The following SLC25A21 variants were observed in gnomAD, a reference collection of about 807,000 sequenced individuals.
SLC25A21 encodes the protein mitochondrial 2-oxodicarboxylate carrier.
Under a neutral mutation model 43.8 loss-of-function variants are expected in SLC25A21, and 47 were observed. The observed-to-expected ratio is 1.07, with a 90% CI of 0.85 to 1.37. SLC25A21 has a LOEUF of 1.37. SLC25A21 is among the 40% of genes most tolerant of loss of function. SLC25A21 has a pLI of 0.00. For missense variants in SLC25A21, 352 were observed against 350.2 expected (o/e 1.00, Z -0.04); for synonymous variants, 131 against 121.3 (o/e 1.08, Z -0.52).
At chr14:36,846,010 T>C (rs1294331649) in intron 2 of SLC25A21, among the ~76,000 whole-genome samples, 4 of 152,100 alleles carry the variant, frequency 2.6e-5, no homozygotes, top group Non-Finnish European at 5.9e-5. Context: ...TAAACCAGAG[T>C]GTAAGGTAAT....
chr14:37,161,596 T>C (rs564179980), intron 1 of SLC25A21, among the ~76,000 whole-genome samples: 23 of 152,284 alleles, frequency 1.5e-4, no homozygotes, highest in African/African-American at 4.3e-4. Context: ...TATGGTCATA[T>C]TGGATTACAG....
chr14:36,823,757 A>G (rs1489049743), intron 2 of SLC25A21, among the ~76,000 whole-genome samples: 1 of 152,140 alleles, frequency 6.6e-6, no homozygotes, highest in Non-Finnish European at 1.5e-5. Flanking sequence ...CCCCAACCCA[A>G]AAAAGTTACC....
intron 1 of SLC25A21, among the ~76,000 whole-genome samples, chr14:36,995,954 A>AT (rs1276005095): frequency 2.6e-5 from 4 of 152,192 alleles, no homozygotes; most frequent in Non-Finnish European, 5.9e-5. Flanking sequence ...TGATGTAAAT[A>AT]CTATCACTAC....
chr14:36,872,365 T>A (rs561113422), intron 2 of SLC25A21, among the ~76,000 whole-genome samples: 1 of 152,306 alleles, frequency 6.6e-6, no homozygotes, highest in African/African-American at 2.4e-5. Context: ...AGTGGATTTT[T>A]AAAACTCTAT....
intron 1 of SLC25A21, among the ~76,000 whole-genome samples, chr14:37,103,257 G>A (rs539016459): frequency 3.3e-5 from 5 of 152,136 alleles, no homozygotes; most frequent in Non-Finnish European, 7.3e-5. Flanking sequence ...TTTACCAAAG[G>A]ATAAAAGATT....
chr14:36,852,632 C>G (rs1238394548), intron 2 of SLC25A21, among the ~76,000 whole-genome samples: 1 of 152,034 alleles, frequency 6.6e-6, no homozygotes, highest in Non-Finnish European at 1.5e-5. Flanking sequence ...TTCATGTAAT[C>G]AAAAATTCTT....
intron 2 of SLC25A21, among the ~76,000 whole-genome samples, chr14:36,862,620 G>C (rs1013709559): frequency 1.4e-5 from 2 of 143,134 alleles, no homozygotes; most frequent in Non-Finnish European, 3.1e-5. Context: ...GGGCTGTGGG[G>C]CTAGGGGAGG....
chr14:36,834,724 C>A (rs1456495609), intron 2 of SLC25A21, among the ~76,000 whole-genome samples: 1 of 152,166 alleles, frequency 6.6e-6, no homozygotes, highest in Non-Finnish European at 1.5e-5. Context: ...TTTTCTGACT[C>A]TACAAGGAGC....
intron 2 of SLC25A21, among the ~76,000 whole-genome samples, chr14:36,869,507 T>A (rs925202875): frequency 6.6e-6 from 1 of 152,158 alleles, no homozygotes; most frequent in Non-Finnish European, 1.5e-5. Context: ...CCCTGGGATA[T>A]CCCTGGGATG....
At chr14:36,841,077 A>T (rs868537473) in intron 2 of SLC25A21, among the ~76,000 whole-genome samples, 8 of 152,214 alleles carry the variant, frequency 5.3e-5, no homozygotes, top group Admixed American at 5.2e-4. Context: ...TTTTATGACA[A>T]ATCAACCCAG....
intron 1 of SLC25A21, among the ~76,000 whole-genome samples, chr14:37,003,566 C>T (rs1199862056): frequency 3.3e-5 from 5 of 152,188 alleles, no homozygotes; most frequent in Admixed American, 6.5e-5. Flanking sequence ...TCATTCAACA[C>T]TACACAGAAG....
chr14:36,932,325 C>T (rs989266824), intron 1 of SLC25A21, among the ~76,000 whole-genome samples: 1 of 152,132 alleles, frequency 6.6e-6, no homozygotes, highest in East Asian at 1.9e-4. Flanking sequence ...TTGGAGTCCA[C>T]GTTCTGCTCA....
intron 2 of SLC25A21, among the ~76,000 whole-genome samples, chr14:36,844,632 C>T (rs1889487431): frequency 6.6e-6 from 1 of 152,184 alleles, no homozygotes; most frequent in Admixed American, 6.5e-5. Context: ...CCCCCCACTG[C>T]CCTCCTGTCC....
intron 1 of SLC25A21, among the ~76,000 whole-genome samples, chr14:37,160,989 A>G (rs1963930280): frequency 1.6e-5 from 1 of 63,664 alleles, no homozygotes; most frequent in Non-Finnish European, 3.0e-5. Flanking sequence ...GGGGTGGGGA[A>G]AAGGGGGGGC....
intron 2 of SLC25A21, among the ~76,000 whole-genome samples, chr14:36,818,595 C>T (rs1888529840): frequency 6.6e-6 from 1 of 152,220 alleles, no homozygotes. Flanking sequence ...GTGTATCTCA[C>T]ATACATCATG....
intron 1 of SLC25A21, among the ~76,000 whole-genome samples, chr14:37,004,827 C>T (rs542238192): frequency 1.9e-4 from 28 of 150,394 alleles, no homozygotes; most frequent in Non-Finnish European, 3.3e-4. Flanking sequence ...GATTTCAAAT[C>T]CCAATCTCAT....
intron 1 of SLC25A21, among the ~76,000 whole-genome samples, chr14:37,077,514 G>A (rs565504972): frequency 6.6e-6 from 1 of 151,956 alleles, no homozygotes; most frequent in African/African-American, 2.4e-5. Flanking sequence ...TTTAGAACAC[G>A]TGACATAGAA....
intron 2 of SLC25A21, among the ~76,000 whole-genome samples, chr14:36,856,318 T>A (rs1889896732): frequency 6.6e-6 from 1 of 152,164 alleles, no homozygotes; most frequent in African/African-American, 2.4e-5. Context: ...AGCTTGTCTT[T>A]CTGTATATTG....
At chr14:37,152,445 A>G (rs944856332) in intron 1 of SLC25A21, among the ~76,000 whole-genome samples, 2 of 148,480 alleles carry the variant, frequency 1.3e-5, no homozygotes, top group African/African-American at 2.5e-5. Context: ...GCAGTGGCAC[A>G]ATCTCAGCTC....
Sources: gnomAD v4.1 joint callset for allele counts (sites outside exome capture counted in the v4.1 genomes callset) on GRCh38, gnomAD v4.1.1 for gene constraint, MANE v1.5 for transcripts, NCBI Gene and HGNC (gene_info 2026-07-23, HGNC 2026-07-21) for gene names.